The following PRPF6 variants were observed in gnomAD, a reference collection of about 807,000 sequenced individuals.
PRPF6 encodes the protein pre-mRNA processing factor 6, also known as pre-mRNA-processing factor 6.
PRPF6 carries 42 observed loss-of-function variants against 118.3 expected under a neutral mutation model. That is an observed-to-expected ratio of 0.35 (90% CI 0.28 to 0.46). PRPF6 has a LOEUF of 0.46. PRPF6 is among the 20% of genes least tolerant of loss of function. PRPF6 has a pLI of 1.00. For missense variants in PRPF6, 662 were observed against 1,255.7 expected, an observed-to-expected ratio of 0.53 and a Z score of 7.15; for synonymous variants, 481 against 485.1, an observed-to-expected ratio of 0.99 and a Z score of 0.11.
Position 64,027,552 on chromosome 20 carries a change from C to G in PRPF6, c.2206-51C>G. On this transcript the variant is annotated intron_variant, in intron 16 of 20. Transcript: ENST00000266079. The surrounding 1 kb of genome is among the most constrained non-coding windows in gnomAD (Gnocchi z 6.5). Reference sequence around the variant, plus strand: ...ATGAGAAGCTGGGCATGGCTGTGTCCCAGTTCTTCATAGACACCACCTGAG... The same window carrying G: ...ATGAGAAGCTGGGCATGGCTGTGTCGCAGTTCTTCATAGACACCACCTGAG... 6.2e-7 allele frequency: 1 copy of G among 1,613,440 alleles called. No individual in the cohort carries two copies. Among genetic ancestry groups the G allele is most frequent in the Non-Finnish European group, 8.5e-7 (1 of 1,179,628 alleles).
intron 8 of PRPF6, among the ~76,000 whole-genome samples, chr20:64,000,830 G>C (rs2059163356): frequency 6.6e-6 from 1 of 152,166 alleles, no homozygotes; most frequent in African/African-American, 2.4e-5. Context: ...GCCTCCCAAA[G>C]GGCTGGGATT....
chr20:63,991,590 G>A (rs1601511602), intron 3 of PRPF6, among the ~76,000 whole-genome samples: 1 of 152,116 alleles, frequency 6.6e-6, no homozygotes, highest in Non-Finnish European at 1.5e-5. Context: ...AGGAGATCGA[G>A]ACCATCCTGG....
Position 64,028,622 on chromosome 20 carries a change from G to T in PRPF6, c.2431+53G>T, listed in dbSNP as rs2059302173. ...GGGGTGCCCTGACTCCGGTAAGGGG[G>T]TGCCTTGACTCCGGTAAGGGGGTGC... On this transcript the variant is annotated intron_variant, in intron 18 of 20. Coordinates refer to ENST00000266079, the MANE Select transcript of PRPF6 (RefSeq NM_012469.4). This position sits in a 1 kb window ranked among gnomAD's most constrained non-coding sequence, Gnocchi z 6.5. The T allele has an allele frequency of 6.3e-7, 1 of 1,593,744 alleles. No individual in the cohort carries two copies. The highest frequency in any genetic ancestry group is 1.1e-5 in the South Asian group (1 of 90,692).
At chr20:63,998,949 C>G (rs2059153647) in intron 6 of PRPF6, 96 bp from the exon 7 acceptor site, 6 of 783,654 alleles carry the variant, frequency 7.7e-6, no homozygotes, top group African/African-American at 3.4e-5. Context: ...TCTGACTGCT[C>G]TCTCAGGGTT....
chr20:63,994,738 C>G (rs999500707), intron 4 of PRPF6, among the ~76,000 whole-genome samples, 178 bp from the exon 5 acceptor site: 2 of 152,156 alleles, frequency 1.3e-5, no homozygotes, highest in East Asian at 1.9e-4. Flanking sequence ...GCCACTGAAT[C>G]CAGCCTGGGC....
intron 9 of PRPF6, among the ~76,000 whole-genome samples, chr20:64,008,959 G>A (rs1204816432): frequency 6.6e-6 from 1 of 152,088 alleles, no homozygotes; most frequent in African/African-American, 2.4e-5. Context: ...TTAAGTTTTA[G>A]GTATTTTTAT....
intron 10 of PRPF6, 91 bp downstream of exon 10, chr20:64,010,409 C>A: frequency 9.3e-7 from 1 of 1,080,538 alleles, no homozygotes; most frequent in Non-Finnish European, 1.4e-6. Context: ...ACAAGTGGAG[C>A]ATTGAGCTCA....
intron 3 of PRPF6, among the ~76,000 whole-genome samples, chr20:63,986,431 G>T (rs1216552361): frequency 2.0e-5 from 3 of 151,004 alleles, no homozygotes; most frequent in Non-Finnish European, 4.4e-5. Context: ...TTCAACATAT[G>T]CAAATTAATC....
chr20:64,013,180 G>A (rs1477288510), intron 11 of PRPF6, among the ~76,000 whole-genome samples: 2 of 152,036 alleles, frequency 1.3e-5, no homozygotes, highest in South Asian at 4.1e-4. Context: ...GGCCAGGTTG[G>A]TCTCGAACTC....
intron 11 of PRPF6, among the ~76,000 whole-genome samples, chr20:64,015,159 A>C (rs1173286302): frequency 6.6e-6 from 1 of 152,250 alleles, no homozygotes; most frequent in Admixed American, 6.5e-5. Context: ...TTGCAACTAC[A>C]GATGGTCCCT....
intron 3 of PRPF6, among the ~76,000 whole-genome samples, chr20:63,988,318 T>TA (rs1392110212): frequency 2.5e-4 from 31 of 124,866 alleles, no homozygotes; most frequent in South Asian, 2.8e-4. Context: ...AGACTCTGTC[T>TA]CAAAAAAAAA....
intron 4 of PRPF6, among the ~76,000 whole-genome samples, chr20:63,994,253 G>A (rs1017068202): frequency 6.6e-6 from 1 of 151,292 alleles, no homozygotes; most frequent in East Asian, 1.9e-4. Context: ...CGCCTCCCAG[G>A]TTCAAACGAT....
intron 9 of PRPF6, among the ~76,000 whole-genome samples, 183 bp downstream of exon 9, chr20:64,001,422 G>T (rs1288010215): frequency 6.6e-6 from 1 of 152,186 alleles, no homozygotes; most frequent in East Asian, 1.9e-4. Flanking sequence ...ACTGTGGTGG[G>T]CAAGTTCCCA....
Position 63,995,262 on chromosome 20 carries a change from T to C in PRPF6, c.616-65T>C, listed in dbSNP as rs112945304. On this transcript the variant is annotated intron_variant, in intron 5 of 20. Transcript: ENST00000266079. ...GCCACTGGGGAAGTATTTCAGAGAG[T>C]AAATTTCTTGGGCATGCAGTGCAAA... 2.1e-3 allele frequency: 3,327 copies of C among 1,574,580 alleles called. 70 individuals are homozygous for C. The African/African-American group carries it at 0.04, about 19-fold the overall frequency.
intron 8 of PRPF6, among the ~76,000 whole-genome samples, chr20:64,000,061 C>T (rs2059159701): frequency 6.6e-6 from 1 of 151,816 alleles, no homozygotes; most frequent in Admixed American, 6.6e-5. Flanking sequence ...ACACCATTGT[C>T]CTGTCTCAGC....
chr20:64,019,287 T>C (rs1037598958), intron 12 of PRPF6, among the ~76,000 whole-genome samples: 2 of 152,052 alleles, frequency 1.3e-5, no homozygotes. Flanking sequence ...TTATATTTTT[T>C]ATAGAGATGA....
chr20:64,020,416 TA>T (rs921036625), intron 12 of PRPF6, among the ~76,000 whole-genome samples: 2 of 150,896 alleles, frequency 1.3e-5, no homozygotes, highest in Admixed American at 6.6e-5. Flanking sequence ...ACTCTGTCTT[TA>T]AAAAAAAATC....
chr20:64,010,354 A>C, intron 10 of PRPF6, 36 bp downstream of exon 10: 1 of 1,540,676 alleles, frequency 6.5e-7, no homozygotes, highest in Non-Finnish European at 8.9e-7. Flanking sequence ...CAGAGCCCAA[A>C]GTGGCCAAGG....
intron 19 of PRPF6, 62 bp from the exon 20 acceptor site, chr20:64,031,856 C>T (rs1380526959): frequency 1.2e-5 from 19 of 1,612,520 alleles, no homozygotes; most frequent in African/African-American, 2.7e-5. Context: ...AAGCCGTTCC[C>T]CTGCCCCAGA....
Sources: gnomAD v4.1 joint callset for allele counts (sites outside exome capture counted in the v4.1 genomes callset) on GRCh38, gnomAD v4.1.1 for gene constraint, Gnocchi (gnomAD v3.1) non-coding constraint, MANE v1.5 for transcripts, NCBI Gene and HGNC (gene_info 2026-07-23, HGNC 2026-07-21) for gene names.